Variants in XKR4 observed in about 807,000 individuals in gnomAD.
XKR4 encodes XK-related protein 4.
XKR4 carries 12 observed loss-of-function variants against 53.9 expected under a neutral mutation model. The ratio of observed to expected loss-of-function variants is 0.22; its 90% CI spans 0.14 to 0.36. The LOEUF (loss-of-function observed/expected upper bound fraction) is 0.36. XKR4 is among the 10% of genes least tolerant of loss of function. The pLI, the probability that XKR4 is intolerant of heterozygous loss-of-function variation, is 1.00. For missense variants in XKR4, 799 were observed against 859.5 expected (o/e 0.93, Z 0.88); for synonymous variants, 354 against 362.4 (o/e 0.98, Z 0.26).
chr8:55,511,012 T>C (rs1806618166), intron 2 of XKR4, among the ~76,000 whole-genome samples: 1 of 152,342 alleles, frequency 6.6e-6, no homozygotes, highest in South Asian at 2.1e-4. Context: ...TTGTTTTTTG[T>C]AAATCACCTA....
intron 2 of XKR4, chr8:55,450,089 G>C (rs1020913688): frequency 3.6e-5 from 26 of 716,740 alleles, no homozygotes; most frequent in Non-Finnish European, 5.9e-5. Flanking sequence ...GCCTTCACGC[G>C]GTCCCAGGTG....
chr8:55,396,394 G>A (rs200252265), intron 2 of XKR4, among the ~76,000 whole-genome samples: 1 of 48,616 alleles, frequency 2.1e-5, no homozygotes, highest in Non-Finnish European at 3.3e-5. Flanking sequence ...TTTTTTTTTT[G>A]TTTGGTTTTT....
rs142907908 is a variant in XKR4 at position 55,289,540 on chromosome 8, A to AGAAG, written c.807-68111_807-68108dup. Among the ~76,000 whole-genome samples, 844 of 102,616 alleles carry AGAAG rather than the reference A, an allele frequency of 8.2e-3. 19 individuals carry two copies. The highest frequency in any genetic ancestry group is 0.021 in the African/African-American group (506 of 23,976). The allele number at this position is 102,616 out of a possible 152,430, so 67.3% of individuals were successfully genotyped here. ...AAAAAAAAAAAAAGAAAAGAAAGAA[A>AGAAG]GAAGGAAGGAAGGAAGGAAGGAAGG... On this transcript the variant is annotated intron_variant, in intron 1 of 2. Coordinates refer to ENST00000327381, the MANE Select transcript of XKR4 (RefSeq NM_052898.2).
At chr8:55,106,033 A>G (rs1816142213) in intron 1 of XKR4, among the ~76,000 whole-genome samples, 1 of 152,180 alleles carries the variant, frequency 6.6e-6, no homozygotes, top group African/African-American at 2.4e-5. Context: ...ATTATACACA[A>G]ATATTGCAGA....
At chr8:55,482,402 C>T (rs1041384289) in intron 2 of XKR4, among the ~76,000 whole-genome samples, 5 of 151,496 alleles carry the variant, frequency 3.3e-5, no homozygotes, top group Admixed American at 2.0e-4. Context: ...GTTATGGGGT[C>T]GGGGCATGGG....
chr8:55,395,053 T>C (rs1804494133), intron 2 of XKR4, among the ~76,000 whole-genome samples: 1 of 152,182 alleles, frequency 6.6e-6, no homozygotes, highest in South Asian at 2.1e-4. Context: ...GCTATAATTA[T>C]AATGCCTGGG....
At chr8:55,344,282 G>T (rs1224175317) in intron 1 of XKR4, among the ~76,000 whole-genome samples, 4 of 152,206 alleles carry the variant, frequency 2.6e-5, no homozygotes, top group African/African-American at 7.2e-5. Context: ...AGGTAGTGCT[G>T]TGACTTTAAA....
At chr8:55,294,670 TC>T (rs2129375928) in intron 1 of XKR4, among the ~76,000 whole-genome samples, 1 of 152,348 alleles carries the variant, frequency 6.6e-6, no homozygotes, top group African/African-American at 2.4e-5. Flanking sequence ...CCTCACTGTC[TC>T]CAGACCTGTT....
chr8:55,321,497 AGACTATAGACCCTGGCCTT>A (rs1351161659), intron 1 of XKR4, among the ~76,000 whole-genome samples: 7 of 152,116 alleles, frequency 4.6e-5, no homozygotes, highest in African/African-American at 9.7e-5. Flanking sequence ...TCTGCACCTG[AGACTATAGACCCTGGCCTT>A]GACTCTGGGA....
At position 55,530,203 on chromosome 8, in the gene XKR4, GGA is replaced by G. The variant is rs1563374726; in HGVS notation, c.*5977_*5978del. ...AGGAAGGAAGGAAGGAAGGAAGGAA[GGA>G]AGGAGATTTAACAAGTCTTTGAAGT... On this transcript the variant is annotated 3_prime_UTR_variant, in exon 3 of 3. Transcript: ENST00000327381. 6.1e-5 allele frequency: 6 copies of G among 98,496 alleles called. No individual in the cohort carries two copies. Among genetic ancestry groups the G allele is most frequent in the African/African-American group, 2.3e-4 (6 of 26,052 alleles). 6.1% of individuals were successfully genotyped at this position (98,496 alleles called of 1,614,324 possible). A position where few individuals can be genotyped will look rare whatever the true frequency, so the allele number is the denominator to read the frequency against.
Position 55,369,402 on chromosome 8 carries a change from G to A in XKR4, c.1006+11525G>A, listed in dbSNP as rs2979057. The stretch of plus-strand genomic sequence containing the variant: ...GAGGGGAGGGGAGGGGAGGGGAGGG[G>A]AGGGAAAGGAAGGGAAGGGAAAGGA... On this transcript the variant is annotated intron_variant, in intron 2 of 2. Coordinates refer to ENST00000327381, the MANE Select transcript of XKR4 (RefSeq NM_052898.2). 1.2e-3 allele frequency among the ~76,000 whole-genome samples: 52 copies of A among 44,458 alleles called. 1 individual carries two copies. Among genetic ancestry groups the A allele is most frequent in the South Asian group, 2.6e-3 (2 of 780 alleles). The allele number at this position is 44,458 out of a possible 152,430, so 29.2% of individuals were successfully genotyped here. A position where few individuals can be genotyped will look rare whatever the true frequency, so the allele number is the denominator to read the frequency against.
intron 2 of XKR4, among the ~76,000 whole-genome samples, chr8:55,463,262 T>G (rs1241360470): frequency 1.3e-5 from 2 of 151,980 alleles, no homozygotes; most frequent in Admixed American, 6.6e-5. Flanking sequence ...GAACACAAAT[T>G]ATAACCAACT....
At position 55,348,943 on chromosome 8, in the gene XKR4, A is replaced by C. The variant is rs761902599; in HGVS notation, c.807-8735A>C. 9.2e-5 allele frequency among the ~76,000 whole-genome samples: 14 copies of C among 152,340 alleles called. No homozygotes were observed. In the East Asian group the frequency reaches 1.3e-3, roughly 15 times the overall value. On this transcript the variant is annotated intron_variant, in intron 1 of 2. Transcript: ENST00000327381. ...ATGAAAGAGAGAGTGGTTTCCACAG[A>C]CTTTGAGTTCTCTGATACAAGCTGA...
intron 2 of XKR4, among the ~76,000 whole-genome samples, chr8:55,433,030 T>G (rs889443318): frequency 2.0e-5 from 3 of 152,242 alleles, no homozygotes; most frequent in African/African-American, 7.2e-5. Context: ...AGTATCACTT[T>G]TGTGTAGTTT....
intron 2 of XKR4, among the ~76,000 whole-genome samples, chr8:55,398,713 G>C (rs1804558266): frequency 6.6e-6 from 1 of 152,184 alleles, no homozygotes; most frequent in African/African-American, 2.4e-5. Flanking sequence ...AACTGGAAAT[G>C]AGTGAAACCA....
chr8:55,213,098 C>T (rs536441919), intron 1 of XKR4, among the ~76,000 whole-genome samples: 4 of 152,286 alleles, frequency 2.6e-5, no homozygotes, highest in East Asian at 1.9e-4. Context: ...TAACCATAAA[C>T]GTCTAGAAGC....
At chr8:55,268,070 T>C (rs1237001822) in intron 1 of XKR4, among the ~76,000 whole-genome samples, 2 of 152,202 alleles carry the variant, frequency 1.3e-5, no homozygotes, top group African/African-American at 4.8e-5. Context: ...CTGTCCTATA[T>C]TGGATGTTCA....
chr8:55,158,984 A>C (rs1370386775), intron 1 of XKR4, among the ~76,000 whole-genome samples: 1 of 152,086 alleles, frequency 6.6e-6, no homozygotes, highest in Non-Finnish European at 1.5e-5. Context: ...GTTTCATATG[A>C]ATTTTAAACG....
intron 2 of XKR4, among the ~76,000 whole-genome samples, chr8:55,380,378 C>A (rs1380368830): frequency 6.6e-6 from 1 of 152,180 alleles, no homozygotes; most frequent in Non-Finnish European, 1.5e-5. Context: ...GTAAGGAGTG[C>A]AAGAGTGCAA....
Sources: gnomAD v4.1 joint callset for allele counts (sites outside exome capture counted in the v4.1 genomes callset) on GRCh38, gnomAD v4.1.1 for gene constraint, MANE v1.5 for transcripts, NCBI Gene and HGNC (gene_info 2026-07-23, HGNC 2026-07-21) for gene names.